The following SRPK2 variants were observed in gnomAD, a reference collection of about 807,000 sequenced individuals.
SRPK2 encodes the protein SFRS protein kinase 2.
SRPK2 carries 21 observed loss-of-function variants against 90.8 expected under a neutral mutation model. The ratio of observed to expected loss-of-function variants is 0.23; its 90% CI spans 0.16 to 0.33. SRPK2 has a LOEUF of 0.33. Ranked by LOEUF, SRPK2 falls within the 10% of genes least tolerant of loss-of-function variation. The pLI is 1.00. For synonymous variants in SRPK2, 288 were observed against 311.1 expected (o/e 0.93, Z 0.78); for missense variants, 620 against 869.0 (o/e 0.71, Z 3.60).
Position 105,160,654 on chromosome 7 carries a change from G to C in SRPK2, c.515-41C>G, listed in dbSNP as rs369470653. 5 of 1,165,878 alleles carry C rather than the reference G, an allele frequency of 4.3e-6. No individual in the cohort carries two copies. In the African/African-American group the frequency reaches 7.5e-5, roughly 18 times the overall value. The allele number at this position is 1,165,878 out of a possible 1,614,324, so 72.2% of individuals were successfully genotyped here. A position where few individuals can be genotyped will look rare whatever the true frequency, so the allele number is the denominator to read the frequency against. On this transcript the variant is annotated intron_variant, in intron 6 of 15. Coordinates refer to ENST00000393651, the MANE Select transcript of SRPK2 (RefSeq NM_182692.3). Reference sequence around the variant, plus strand: ...GGATCGTTTGTGGATGCACTGCCTGGAGTGAGGCAGTTATTGAAAGCAGCA... The same window carrying C: ...GGATCGTTTGTGGATGCACTGCCTGCAGTGAGGCAGTTATTGAAAGCAGCA...
rs117166752 is a variant in SRPK2, at chr7:105,398,061, A to G, written n.153+1095T>C. On this transcript the variant is annotated intron_variant and non_coding_transcript_variant, in intron 1 of 3. Transcript: ENST00000462282. ...GTTATGCAAATATTATAATTAATAA[A>G]GGGAAGTATTAAATATTTATAAAAC... Among the ~76,000 whole-genome samples the G allele has an allele frequency of 5.3e-3, 815 of 152,338 alleles. 17 individuals carry two copies. The East Asian group carries it at 0.066, about 12-fold the overall frequency.
At position 105,329,793 on chromosome 7, in the gene SRPK2, G is replaced by T. The variant is rs189715461; in HGVS notation, c.71+58855C>A. 2.3e-3 allele frequency among the ~76,000 whole-genome samples: 355 copies of T among 152,122 alleles called. 11 individuals are homozygous for T. The highest frequency in any genetic ancestry group is 4.4e-4 in the Non-Finnish European group (30 of 68,014). ...GCCTATAATCCCAGGACTTTAGGAGGCCGAGACGGGCAAATTATTTGAGGC... is the reference window on the plus strand; with the variant it reads ...GCCTATAATCCCAGGACTTTAGGAGTCCGAGACGGGCAAATTATTTGAGGC... On this transcript the variant is annotated intron_variant, in intron 2 of 15. Transcript: ENST00000393651.
At chr7:105,315,280 A>G (rs1038893347) in intron 2 of SRPK2, among the ~76,000 whole-genome samples, 1 of 152,228 alleles carries the variant, frequency 6.6e-6, no homozygotes, top group Non-Finnish European at 1.5e-5. Context: ...AAAATAAAAT[A>G]TCACACACAT....
chr7:105,372,349 AT>A (rs1819802146), intron 2 of SRPK2, among the ~76,000 whole-genome samples: 1 of 152,186 alleles, frequency 6.6e-6, no homozygotes, highest in Admixed American at 6.6e-5. Context: ...AAGAAATTAA[AT>A]ATCATAAGTA....
chr7:105,126,791 C>T (rs546621716), intron 14 of SRPK2, among the ~76,000 whole-genome samples: 13 of 152,276 alleles, frequency 8.5e-5, no homozygotes, highest in South Asian at 4.2e-4. Context: ...CCTGAGGGCT[C>T]GCTGGAGTGC....
intron 2 of SRPK2, among the ~76,000 whole-genome samples, chr7:105,345,724 C>A (rs1431409324): frequency 3.3e-5 from 5 of 152,192 alleles, no homozygotes; most frequent in Non-Finnish European, 7.3e-5. Flanking sequence ...AAATTGGTGT[C>A]CAAAACAGAC....
chr7:105,318,943 G>GA (rs1379440859), intron 2 of SRPK2, among the ~76,000 whole-genome samples: 1 of 152,066 alleles, frequency 6.6e-6, no homozygotes, highest in Non-Finnish European at 1.5e-5. Flanking sequence ...ATGACAAGCC[G>GA]ACCTATAAAA....
chr7:105,389,396 G>A, upstream of SRPK2: 1 of 1,246,784 alleles, frequency 8.0e-7, no homozygotes, highest in Non-Finnish European at 1.0e-6. Context: ...CTCTCCGGCA[G>A]GCGTGGAAAG....
chr7:105,329,786 T>G (rs1475074088), intron 2 of SRPK2, among the ~76,000 whole-genome samples: 1 of 151,812 alleles, frequency 6.6e-6, no homozygotes, highest in Admixed American at 6.6e-5. Context: ...TCCCAGGACT[T>G]TAGGAGGCCG....
chr7:105,126,693 G>A (rs549259720), intron 14 of SRPK2, among the ~76,000 whole-genome samples: 1 of 152,310 alleles, frequency 6.6e-6, no homozygotes, highest in Non-Finnish European at 1.5e-5. Context: ...GGACCACATA[G>A]AGGCTTCAGG....
intron 2 of SRPK2, among the ~76,000 whole-genome samples, chr7:105,349,680 T>A (rs922566544): frequency 3.7e-4 from 57 of 152,066 alleles, no homozygotes; most frequent in Admixed American, 2.9e-3. Context: ...AAACCAGAGA[T>A]AACTGAACAG....
chr7:105,170,891 GA>G (rs777337035), intron 3 of SRPK2, among the ~76,000 whole-genome samples: 244 of 85,276 alleles, frequency 2.9e-3, no homozygotes, highest in Non-Finnish European at 4.0e-3. Context: ...AAGAAAGAAA[GA>G]AAGAAAGAAA....
intron 2 of SRPK2, chr7:105,306,627 C>A: frequency 2.6e-6 from 1 of 383,124 alleles, no homozygotes; most frequent in Non-Finnish European, 5.1e-6. Flanking sequence ...CTGCTATCCT[C>A]TCGTTGGCAA....
chr7:105,170,611 T>C (rs937377902), intron 3 of SRPK2, among the ~76,000 whole-genome samples: 2 of 151,118 alleles, frequency 1.3e-5, no homozygotes, highest in African/African-American at 4.9e-5. Flanking sequence ...GAAGAATTGC[T>C]TGAACCCAGG....
chr7:105,121,389 G>GAA, intron 15 of SRPK2, among the ~76,000 whole-genome samples: 1 of 96,386 alleles, frequency 1.0e-5, no homozygotes, highest in Non-Finnish European at 2.4e-5. Flanking sequence ...AAAAAAAAAA[G>GAA]AGAGAAAAGA....
At chr7:105,159,889 T>C (rs1262788449) in intron 7 of SRPK2, among the ~76,000 whole-genome samples, 2 of 152,206 alleles carry the variant, frequency 1.3e-5, no homozygotes, top group Non-Finnish European at 2.9e-5. Flanking sequence ...TGTCTTGAAA[T>C]ATGTGTACAC....
chr7:105,381,760 G>A (rs1300790245), intron 2 of SRPK2, among the ~76,000 whole-genome samples: 2 of 152,170 alleles, frequency 1.3e-5, no homozygotes, highest in African/African-American at 4.8e-5. Context: ...TAATCCATGA[G>A]AAGTATTCCA....
At chr7:105,317,137 T>C (rs1812398946) in intron 2 of SRPK2, among the ~76,000 whole-genome samples, 1 of 152,204 alleles carries the variant, frequency 6.6e-6, no homozygotes, top group Non-Finnish European at 1.5e-5. Flanking sequence ...CCTATTTCCA[T>C]AATGATTCAA....
At chr7:105,142,839 A>G (rs1209277870) in intron 10 of SRPK2, among the ~76,000 whole-genome samples, 4 of 152,274 alleles carry the variant, frequency 2.6e-5, no homozygotes, top group Admixed American at 2.6e-4. Flanking sequence ...TTAGCATGAT[A>G]GAAACATGGA....
Sources: allele counts gnomAD v4.1 joint callset (sites outside exome capture counted in the v4.1 genomes callset), GRCh38; gene constraint gnomAD v4.1.1; transcripts MANE v1.5; gene names NCBI Gene and HGNC (gene_info 2026-07-23, HGNC 2026-07-21).